The following ARHGAP26 variants were observed in gnomAD, a reference collection of about 807,000 sequenced individuals.
ARHGAP26 encodes the protein Rho GTPase activating protein 26.
Under a neutral mutation model 104.8 loss-of-function variants are expected in ARHGAP26, and 38 were observed. The ratio of observed to expected loss-of-function variants is 0.36; its 90% confidence interval spans 0.28 to 0.48. The LOEUF is 0.48. Among genes scored for constraint, ARHGAP26 ranks in the 20% least tolerant of loss-of-function variants. The pLI is 0.99. For missense variants in ARHGAP26, 704 were observed against 947.9 expected (o/e 0.74, Z 3.38); for synonymous variants, 341 against 340.0 (o/e 1.00, Z -0.03).
In ARHGAP26 at chr5:143,228,022, A is replaced by G. The variant is rs1382399224; in HGVS notation, c.*5576A>G. ...GGGTATGACATGACATGACATGTCCATGTCAAAATTCACTTTAGTCAGAAC... is the reference window on the plus strand; with the variant it reads ...GGGTATGACATGACATGACATGTCCGTGTCAAAATTCACTTTAGTCAGAAC... On this transcript the variant is annotated 3_prime_UTR_variant, in exon 23 of 23. Coordinates refer to ENST00000645722, the MANE Select transcript of ARHGAP26 (RefSeq NM_001135608.3). The G allele has an allele frequency of 4.5e-6, 1 of 220,378 alleles. No individual in the cohort carries two copies. Among genetic ancestry groups the G allele is most frequent in the Admixed American group, 5.8e-5 (1 of 17,294 alleles). 13.7% of individuals were successfully genotyped at this position (220,378 alleles called of 1,614,324 possible). A position where few individuals can be genotyped will look rare whatever the true frequency, so the allele number is the denominator to read the frequency against.
chr5:142,890,572 C>A (rs77578848), intron 5 of ARHGAP26, among the ~76,000 whole-genome samples: 1 of 151,870 alleles, frequency 6.6e-6, no homozygotes, highest in Non-Finnish European at 1.5e-5. Flanking sequence ...TATTCTGGCT[C>A]CTGTGTGCAG....
chr5:142,950,072 G>A (rs1562138736), intron 11 of ARHGAP26, among the ~76,000 whole-genome samples: 1 of 152,182 alleles, frequency 6.6e-6, no homozygotes, highest in Admixed American at 6.5e-5. Flanking sequence ...GCATCTTTCT[G>A]ATGTCTGCCT....
At chr5:143,141,767 T>A (rs11750326) in intron 19 of ARHGAP26, among the ~76,000 whole-genome samples, 4 of 152,204 alleles carry the variant, frequency 2.6e-5, no homozygotes, top group South Asian at 2.1e-4. Flanking sequence ...TTGTGAGTAA[T>A]ACAGTGTCCA....
intron 6 of ARHGAP26, among the ~76,000 whole-genome samples, chr5:142,899,266 T>A (rs907524855): frequency 1.3e-5 from 2 of 152,204 alleles, no homozygotes; most frequent in Non-Finnish European, 2.9e-5. Flanking sequence ...ATATCTTTTT[T>A]TGGGGGACAC....
At chr5:143,095,654 C>T (rs1178610460) in intron 17 of ARHGAP26, among the ~76,000 whole-genome samples, 2 of 152,106 alleles carry the variant, frequency 1.3e-5, no homozygotes, top group Non-Finnish European at 2.9e-5. Context: ...CTGCAACCTC[C>T]ACCTCCCAGC....
At chr5:143,183,394 C>T (rs577639254) in intron 20 of ARHGAP26, among the ~76,000 whole-genome samples, 5 of 152,234 alleles carry the variant, frequency 3.3e-5, no homozygotes, top group South Asian at 4.1e-4. Flanking sequence ...CCGTGTGCTC[C>T]GTGACCTGCC....
At chr5:143,102,701 C>T (rs1487800542) in intron 17 of ARHGAP26, among the ~76,000 whole-genome samples, 1 of 152,254 alleles carries the variant, frequency 6.6e-6, no homozygotes, top group Non-Finnish European at 1.5e-5. Context: ...CTTACCAAAG[C>T]ATTCTTCACT....
At chr5:143,013,935 T>C in intron 11 of ARHGAP26, 145 bp from the exon 12 acceptor site, 1 of 707,820 alleles carries the variant, frequency 1.4e-6, no homozygotes. Flanking sequence ...AGATAATTAT[T>C]GAATGGGTTC....
rs148836304 is a variant in ARHGAP26, at chr5:143,084,922, G to A, written c.1538+27175G>A. 6.0e-3 allele frequency among the ~76,000 whole-genome samples: 905 copies of A among 151,680 alleles called. 18 individuals are homozygous for A. In the East Asian group the frequency reaches 0.079, roughly 13 times the overall value. On this transcript the variant is annotated intron_variant, in intron 17 of 22. Transcript: ENST00000645722. ...TAGCTGGGCGTGGTGGCGCGTGCCT[G>A]TAATCCCAGCTACTCAGGATGCTGA...
At chr5:143,215,174 C>T (rs768981083) in intron 22 of ARHGAP26, among the ~76,000 whole-genome samples, 2 of 152,258 alleles carry the variant, frequency 1.3e-5, no homozygotes, top group Non-Finnish European at 2.9e-5. Context: ...CTTCTGCCCC[C>T]CTGCTTTGTC....
chr5:143,140,284 T>G (rs1036688647), intron 19 of ARHGAP26, among the ~76,000 whole-genome samples: 1 of 152,148 alleles, frequency 6.6e-6, no homozygotes, highest in Non-Finnish European at 1.5e-5. Flanking sequence ...CTGTTGGAGT[T>G]TGGAGCACCC....
intron 22 of ARHGAP26, among the ~76,000 whole-genome samples, chr5:143,218,247 G>A (rs772802132): frequency 6.6e-6 from 1 of 152,076 alleles, no homozygotes; most frequent in Non-Finnish European, 1.5e-5. Flanking sequence ...TCCCGTCACA[G>A]GGCCGTTGTA....
At chr5:142,841,634 G>A (rs1770825441) in intron 1 of ARHGAP26, among the ~76,000 whole-genome samples, 1 of 152,226 alleles carries the variant, frequency 6.6e-6, no homozygotes, top group Admixed American at 6.5e-5. Flanking sequence ...TCTGCTGAAA[G>A]CTTGTCCCAT....
In ARHGAP26 at chr5:142,830,700, G is replaced by A. The variant is rs138404707; in HGVS notation, c.155-42700G>A. Among the ~76,000 whole-genome samples the A allele has an allele frequency of 6.5e-3, 991 of 152,332 alleles. 9 individuals carry two copies. The highest frequency in any genetic ancestry group is 0.031 in the Middle Eastern group (9 of 294). On this transcript the variant is annotated intron_variant, in intron 1 of 22. Transcript: ENST00000645722. Reference sequence around the variant, plus strand: ...GTATTTTTTCTCCCAAGCAGTTCTTGTGGGAGAGACAGACAGACAGATACA... The same window carrying A: ...GTATTTTTTCTCCCAAGCAGTTCTTATGGGAGAGACAGACAGACAGATACA...
chr5:142,976,612 A>G (rs1773131735), intron 11 of ARHGAP26, among the ~76,000 whole-genome samples: 1 of 152,250 alleles, frequency 6.6e-6, no homozygotes. Context: ...CTGTGTATTG[A>G]AAAATGCAAC....
chr5:143,136,058 C>T (rs1021490241), intron 19 of ARHGAP26, among the ~76,000 whole-genome samples: 8 of 152,122 alleles, frequency 5.3e-5, no homozygotes, highest in Non-Finnish European at 8.8e-5. Context: ...TATCAGTGTA[C>T]GGTGTAGATT....
chr5:143,223,539 C>G lies in ARHGAP26; in HGVS notation c.*1093C>G. 4.3e-6 allele frequency: 1 copy of G among 232,554 alleles called. No homozygotes were observed. The highest frequency in any genetic ancestry group is 8.5e-6 in the Non-Finnish European group (1 of 117,312). 14.4% of individuals were successfully genotyped at this position (232,554 alleles called of 1,614,324 possible). A position where few individuals can be genotyped will look rare whatever the true frequency, so the allele number is the denominator to read the frequency against. ...CCCATGTCCTCCCATTCACCCATCT[C>G]TGCTCCCACCCTTGCCTGCCTCTAA... On this transcript the variant is annotated 3_prime_UTR_variant, in exon 23 of 23. Coordinates refer to ENST00000645722, the MANE Select transcript of ARHGAP26 (RefSeq NM_001135608.3).
In ARHGAP26 at chr5:143,087,636, CTTTTTTTTTTTT is replaced by C. The variant is rs35201189; in HGVS notation, c.1538+29904_1538+29915del. Among the ~76,000 whole-genome samples, 8 of 51,566 alleles carry C rather than the reference CTTTTTTTTTTTT, an allele frequency of 1.6e-4. 1 individual carries two copies. The highest frequency in any genetic ancestry group is 1.7e-3 in the East Asian group (2 of 1,166). The allele number at this position is 51,566 out of a possible 152,430, so 33.8% of individuals were successfully genotyped here. On this transcript the variant is annotated intron_variant, in intron 17 of 22. Transcript: ENST00000645722. ...CTCATCTAATTAACCCTGGCCCATT[CTTTTTTTTTTTT>C]TTTTTTTTTTTTTTGAGACGGAGTT...
chr5:143,085,557 A>T (rs1790477570), intron 17 of ARHGAP26, among the ~76,000 whole-genome samples: 1 of 152,202 alleles, frequency 6.6e-6, no homozygotes, highest in Non-Finnish European at 1.5e-5. Context: ...GCATATGATG[A>T]TGAATTTTTA....
Sources: gnomAD v4.1 joint callset for allele counts (sites outside exome capture counted in the v4.1 genomes callset) on GRCh38, gnomAD v4.1.1 for gene constraint, MANE v1.5 for transcripts, NCBI Gene and HGNC (gene_info 2026-07-23, HGNC 2026-07-21) for gene names.